Variants in NAPEPLD observed in about 807,000 individuals in gnomAD.
NAPEPLD encodes the protein N-acyl phosphatidylethanolamine phospholipase D.
In NAPEPLD, 23 loss-of-function variants were observed where a neutral mutation model predicts 38.1. The observed-to-expected ratio is 0.60, with a 90% CI of 0.43 to 0.86. The LOEUF (loss-of-function observed/expected upper bound fraction) is 0.86, where lower values mean the gene tolerates loss of function less well. Among genes scored for constraint, NAPEPLD ranks in the 40% least tolerant of loss-of-function variants. The pLI, the probability that NAPEPLD is intolerant of heterozygous loss-of-function variation, is 0.00. For synonymous variants in NAPEPLD, 147 were observed against 162.0 expected (o/e 0.91, Z 0.71); for missense variants, 411 against 476.8 (o/e 0.86, Z 1.28).
Position 103,141,585 on chromosome 7 carries a change from T to C in NAPEPLD, c.-17+7226A>G, listed in dbSNP as rs559537614. On this transcript the variant is annotated intron_variant, in intron 1 of 4. Coordinates refer to ENST00000465647, the MANE Select transcript of NAPEPLD (RefSeq NM_001122838.3). Reference sequence around the variant, plus strand: ...ACCTTCAGGTACAGGCTGTGATACATGCGGCGATCAATCTTCTTAGATTCA... The same window carrying C: ...ACCTTCAGGTACAGGCTGTGATACACGCGGCGATCAATCTTCTTAGATTCA... 3.5e-5 allele frequency: 35 copies of C among 1,002,400 alleles called. No individual in the cohort carries two copies. In the South Asian group the frequency reaches 3.5e-4, roughly 10 times the overall value. 62.1% of individuals were successfully genotyped at this position (1,002,400 alleles called of 1,614,324 possible).
chr7:103,114,772 G>A (rs1805235075), intron 4 of NAPEPLD, among the ~76,000 whole-genome samples: 1 of 152,154 alleles, frequency 6.6e-6, no homozygotes, highest in South Asian at 2.1e-4. Context: ...TGCTTTTCTA[G>A]TCTCCAGACC....
intron 2 of NAPEPLD, among the ~76,000 whole-genome samples, chr7:103,122,433 G>T (rs780351786): frequency 7.2e-5 from 11 of 152,168 alleles, no homozygotes; most frequent in Non-Finnish European, 1.2e-4. Context: ...GGTAGACACA[G>T]ACAAAAGAGG....
intron 1 of NAPEPLD, among the ~76,000 whole-genome samples, chr7:103,139,146 C>T (rs1331214135): frequency 6.6e-6 from 1 of 152,204 alleles, no homozygotes; most frequent in Non-Finnish European, 1.5e-5. Flanking sequence ...AAATCTGATA[C>T]AAATAGCCAT....
intron 1 of NAPEPLD, among the ~76,000 whole-genome samples, chr7:103,136,944 G>C (rs1412807332): frequency 6.6e-6 from 1 of 152,082 alleles, no homozygotes; most frequent in African/African-American, 2.4e-5. Context: ...TTGTTTGTTT[G>C]TTTGTTTGTT....
At chr7:103,138,473 C>CT (rs59334185) in intron 1 of NAPEPLD, among the ~76,000 whole-genome samples, 127,813 of 144,730 alleles carry the variant, frequency 0.88, 58,198 homozygotes, top group Non-Finnish European at 0.99. Context: ...TTCTACAGCC[C>CT]TTTTTTTTTT....
intron 1 of NAPEPLD, among the ~76,000 whole-genome samples, chr7:103,132,249 G>A (rs979984150): frequency 6.6e-6 from 1 of 152,126 alleles, no homozygotes; most frequent in Non-Finnish European, 1.5e-5. Flanking sequence ...CATGCTCCTA[G>A]CAAACCCTCA....
intron 3 of NAPEPLD, among the ~76,000 whole-genome samples, chr7:103,117,719 T>C (rs1805844765): frequency 6.6e-6 from 1 of 152,202 alleles, no homozygotes; most frequent in Non-Finnish European, 1.5e-5. Flanking sequence ...CTTGTCTTTT[T>C]CCCATCTTAG....
chr7:103,147,158 A>C (rs1585913828), intron 1 of NAPEPLD, among the ~76,000 whole-genome samples: 2 of 152,352 alleles, frequency 1.3e-5, no homozygotes, highest in East Asian at 3.9e-4. Flanking sequence ...AAGCACTATA[A>C]ATTGTAGACA....
intron 3 of NAPEPLD, among the ~76,000 whole-genome samples, chr7:103,119,272 ATAAG>A (rs1332925318): frequency 1.3e-5 from 2 of 152,226 alleles, no homozygotes; most frequent in Admixed American, 1.3e-4. Context: ...CCACAAAAAC[ATAAG>A]TATGTGAGAT....
chr7:103,114,309 A>G (rs888192932), intron 4 of NAPEPLD, among the ~76,000 whole-genome samples: 8 of 152,212 alleles, frequency 5.3e-5, no homozygotes, highest in African/African-American at 1.9e-4. Flanking sequence ...GCAGAGTTCT[A>G]GGGTCCATCT....
chr7:103,134,245 CAACAGTTAGTTATA>C (rs1235064339), intron 1 of NAPEPLD, among the ~76,000 whole-genome samples: 3 of 152,160 alleles, frequency 2.0e-5, no homozygotes, highest in Non-Finnish European at 4.4e-5. Flanking sequence ...CCTCTGTGAA[CAACAGTTAGTTATA>C]AACATACCAA....
chr7:103,120,701 C>CTTTT (rs869141133), intron 2 of NAPEPLD, among the ~76,000 whole-genome samples: 1,894 of 82,416 alleles, frequency 0.023, 487 homozygotes, highest in African/African-American at 0.051. Flanking sequence ...TGATATTTTT[C>CTTTT]TTTTTTTTTT....
At chr7:103,126,599 A>AT (rs57753879) in intron 2 of NAPEPLD, among the ~76,000 whole-genome samples, 134,753 of 151,142 alleles carry the variant, frequency 0.89, 62,081 homozygotes, top group East Asian at 1. Flanking sequence ...TCAGAATGCA[A>AT]TTTTTTTTGT....
intron 1 of NAPEPLD, among the ~76,000 whole-genome samples, chr7:103,146,610 G>T (rs1470945982): frequency 6.6e-6 from 1 of 152,174 alleles, no homozygotes; most frequent in Non-Finnish European, 1.5e-5. Flanking sequence ...TCAAGATTTT[G>T]AATTATGCTG....
chr7:103,125,686 C>G (rs1433316830), intron 2 of NAPEPLD, among the ~76,000 whole-genome samples: 2 of 152,024 alleles, frequency 1.3e-5, no homozygotes, highest in Non-Finnish European at 2.9e-5. Flanking sequence ...AGTTCAAGAC[C>G]AGCCTGGCCA....
At chr7:103,141,231 TGTG>T in intron 1 of NAPEPLD, 1 of 464,244 alleles carries the variant, frequency 2.2e-6, no homozygotes, top group Non-Finnish European at 3.7e-6. Flanking sequence ...CAGAATTACC[TGTG>T]GAGTTGTTTT....
Position 103,120,122 on chromosome 7 carries a change from A to G in NAPEPLD, c.396T>C (p.His132=), listed in dbSNP as rs1169924402. Residue 132 remains histidine, a synonymous_variant, in exon 3 of 5, where the codon CAT becomes CAC. Transcript: ENST00000465647. ...EAGLRVTWLG[H]ATVMVEMDEL... ...CATCCATTTCCACCATTACCGTGGC[A>G]TGTCCCAGCCATGTGACTCTTAAGC... 1 of 1,614,068 alleles carries G rather than the reference A, an allele frequency of 6.2e-7. No homozygotes were observed. Among genetic ancestry groups the G allele is most frequent in the Non-Finnish European group, 8.5e-7 (1 of 1,180,044 alleles).
At chr7:103,127,039 A>C (rs1453859162) in intron 2 of NAPEPLD, 3 of 152,206 alleles carry the variant, frequency 2.0e-5, no homozygotes, top group Non-Finnish European at 4.4e-5. Context: ...TTTAGAATAA[A>C]AACATATAGG....
In NAPEPLD at chr7:103,120,083, G is replaced by A; in HGVS notation, c.435C>T (p.Leu145=). The stretch of plus-strand genomic sequence containing the variant: ...CACGAGAGCTAAAGATGGGATCCGT[G>A]AGAAATATGAGCTCATCCATTTCCA... ...VMVEMDELIF[L]TDPIFSSRAS... Residue 145 remains leucine, a synonymous_variant, in exon 3 of 5, where the codon CTC becomes CTT. Transcript: ENST00000465647. 1 of 1,614,200 alleles carries A rather than the reference G, an allele frequency of 6.2e-7. No homozygotes were observed. Among genetic ancestry groups the A allele is most frequent in the Non-Finnish European group, 8.5e-7 (1 of 1,180,038 alleles).
Sources: gnomAD v4.1 joint callset for allele counts (sites outside exome capture counted in the v4.1 genomes callset) on GRCh38, gnomAD v4.1.1 for gene constraint, MANE v1.5 for transcripts, NCBI Gene and HGNC (gene_info 2026-07-23, HGNC 2026-07-21) for gene names.